The following LOXHD1 variants were observed in gnomAD, a reference collection of about 807,000 sequenced individuals.
LOXHD1 encodes the protein lipoxygenase homology PLAT domains 1.
A neutral mutation model predicts 248.2 loss-of-function variants in LOXHD1; 205 were observed. The observed-to-expected ratio is 0.83, with a 90% CI of 0.74 to 0.93. LOXHD1 has a LOEUF of 0.93. LOXHD1 is among the 40% of genes least tolerant of loss of function. LOXHD1 has a pLI of 0.00. For synonymous variants in LOXHD1, 1,113 were observed against 1,162.8 expected, an observed-to-expected ratio of 0.96 and a Z score of 0.87; for missense variants, 2,930 against 2,971.6, an observed-to-expected ratio of 0.99 and a Z score of 0.33.
intron 12 of LOXHD1, among the ~76,000 whole-genome samples, chr18:46,584,574 T>TA (rs761863511): frequency 3.0e-4 from 45 of 152,028 alleles, no homozygotes; most frequent in Non-Finnish European, 4.9e-4. Flanking sequence ...ATTAGTAATT[T>TA]AAAAAAAACC....
At chr18:46,537,698 G>T (rs1416547363) in intron 26 of LOXHD1, among the ~76,000 whole-genome samples, 1 of 152,238 alleles carries the variant, frequency 6.6e-6, no homozygotes, top group South Asian at 2.1e-4. Context: ...CATACAGAAT[G>T]CTCTTCTCTA....
chr18:46,513,734 G>C (rs567311994), intron 34 of LOXHD1, among the ~76,000 whole-genome samples: 2 of 152,228 alleles, frequency 1.3e-5, no homozygotes, highest in Non-Finnish European at 2.9e-5. Context: ...CCGGAAAAAT[G>C]AGAGAAGAAA....
At chr18:46,596,588 C>A (rs1450608984) in intron 8 of LOXHD1, among the ~76,000 whole-genome samples, 1 of 152,188 alleles carries the variant, frequency 6.6e-6, no homozygotes, top group African/African-American at 2.4e-5. Flanking sequence ...AGGGAAAAAT[C>A]TGCAAAGAGA....
intron 14 of LOXHD1, among the ~76,000 whole-genome samples, chr18:46,576,183 A>G (rs898662057): frequency 6.6e-6 from 1 of 152,238 alleles, no homozygotes; most frequent in Admixed American, 6.5e-5. Context: ...GGGAGTAAGT[A>G]TATAGTAGGT....
intron 7 of LOXHD1, among the ~76,000 whole-genome samples, chr18:46,603,021 C>T (rs1176934613): frequency 6.6e-6 from 1 of 152,128 alleles, no homozygotes; most frequent in Non-Finnish European, 1.5e-5. Flanking sequence ...TGCCACACCT[C>T]ACAATGATCA....
chr18:46,577,786 T>C lies in LOXHD1; in HGVS notation c.1891A>G (p.Ser631Gly). Reference sequence around the variant, plus strand: ...AGCACTCTGTCCAGGTACCAGCCGCTGCCGGAGCCTTTGCCATCGTGTCTG... The same window carrying C: ...AGCACTCTGTCCAGGTACCAGCCGCCGCCGGAGCCTTTGCCATCGTGTCTG... ...RIRHDGKGSGSGWYLDRVLVR... is the reference protein window; with the variant it reads ...RIRHDGKGSGGGWYLDRVLVR... The change falls in exon 14 of 41, where the codon AGC becomes GGC. Residue 631 changes from serine (S) to glycine (G), a missense_variant. Transcript: ENST00000642948. 6.4e-7 allele frequency: 1 copy of C among 1,551,692 alleles called. No homozygotes were observed. Among genetic ancestry groups the C allele is most frequent in the Middle Eastern group, 1.7e-4 (1 of 5,992 alleles).
At chr18:46,547,956 C>T (rs2036920615) in intron 21 of LOXHD1, among the ~76,000 whole-genome samples, 1 of 152,130 alleles carries the variant, frequency 6.6e-6, no homozygotes, top group Admixed American at 6.5e-5. Flanking sequence ...CTCAGTGTAC[C>T]ATAAAATAAG....
chr18:46,566,402 G>C lies in LOXHD1; in HGVS notation c.2292C>G (p.Ser764Arg). ...GGATCTGAACGCTGCCCAGGAACCA[G>C]CTGGCATGCATGCCAGTGCTGTCAT... ...IGHDSTGMHA[S>R]WFLGSVQIRV... The change falls in exon 17 of 41, where the codon AGC becomes AGG. Residue 764 changes from serine to arginine, a missense_variant. Ser to Arg is a moderately radical substitution (Grantham distance 110). Coordinates refer to ENST00000642948, the MANE Select transcript of LOXHD1 (RefSeq NM_001384474.1). 6.4e-7 allele frequency: 1 copy of C among 1,551,400 alleles called. No individual in the cohort carries two copies. Among genetic ancestry groups the C allele is most frequent in the Non-Finnish European group, 8.7e-7 (1 of 1,147,008 alleles).
At chr18:46,572,740 T>A (rs2037777908) in intron 14 of LOXHD1, among the ~76,000 whole-genome samples, 1 of 152,036 alleles carries the variant, frequency 6.6e-6, no homozygotes, top group Admixed American at 6.6e-5. Flanking sequence ...CTAGGATACG[T>A]AAGGCCCAGC....
At chr18:46,512,913 A>G (rs113007717) in intron 34 of LOXHD1, among the ~76,000 whole-genome samples, 33 of 152,300 alleles carry the variant, frequency 2.2e-4, no homozygotes, top group Non-Finnish European at 4.6e-4. Context: ...GAAAAACCTG[A>G]TGCGGAGTGA....
chr18:46,628,090 G>T (rs910144154), intron 4 of LOXHD1, among the ~76,000 whole-genome samples: 1 of 152,340 alleles, frequency 6.6e-6, no homozygotes, highest in Admixed American at 6.5e-5. Flanking sequence ...AAAAGCCCAA[G>T]ACTGCAGCTC....
intron 19 of LOXHD1, 35 bp downstream of exon 19, chr18:46,560,048 T>TGCCAGCCCCC: frequency 1.1e-5 from 13 of 1,226,292 alleles, no homozygotes; most frequent in Middle Eastern, 2.1e-4. Context: ...GTCTGGCCAC[T>TGCCAGCCCCC]CCCTCCCCAC....
At chr18:46,656,865 A>G (rs1265441542) in intron 1 of LOXHD1, 39 bp downstream of exon 1, 8 of 1,547,094 alleles carry the variant, frequency 5.2e-6, no homozygotes, top group Non-Finnish European at 7.0e-6. Context: ...CACCGCAGCC[A>G]GCTGCACCAC....
At chr18:46,526,267 C>A (rs1184284810) in intron 29 of LOXHD1, among the ~76,000 whole-genome samples, 1 of 152,154 alleles carries the variant, frequency 6.6e-6, no homozygotes, top group Non-Finnish European at 1.5e-5. Flanking sequence ...GGGTCCTGTG[C>A]TTGGGGAGTG....
chr18:46,627,922 T>C (rs1381767644), intron 4 of LOXHD1, among the ~76,000 whole-genome samples: 1 of 152,214 alleles, frequency 6.6e-6, no homozygotes, highest in Non-Finnish European at 1.5e-5. Flanking sequence ...GGCTTGACTC[T>C]CTCCCGTCTA....
chr18:46,522,121 CCACAT>C lies in LOXHD1; in HGVS notation c.5060_5064del (p.Asp1687GlyfsTer11). ...AGCACCTCTATTTTCTTGATGATGC[CCACAT>C]CCAAGCCTGCGACGTAGAACTCCTC... On this transcript the variant is annotated frameshift_variant, in exon 32 of 41. Coordinates refer to ENST00000642948, the MANE Select transcript of LOXHD1 (RefSeq NM_001384474.1). LOFTEE classifies it high-confidence loss of function. 1 of 1,550,574 alleles carries C rather than the reference CCACAT, an allele frequency of 6.4e-7. No homozygotes were observed. The highest frequency in any genetic ancestry group is 8.7e-7 in the Non-Finnish European group (1 of 1,146,418).
chr18:46,540,944 T>G (rs143606790), intron 25 of LOXHD1, among the ~76,000 whole-genome samples: 8 of 152,360 alleles, frequency 5.3e-5, no homozygotes, highest in Admixed American at 1.3e-4. Flanking sequence ...AATTTGTTCA[T>G]CACTGATACA....
chr18:46,495,940 G>C (rs1286567661), intron 37 of LOXHD1, among the ~76,000 whole-genome samples: 1 of 152,126 alleles, frequency 6.6e-6, no homozygotes, highest in Admixed American at 6.5e-5. Flanking sequence ...GCTAAGGCAG[G>C]AGAATCGCTT....
intron 37 of LOXHD1, among the ~76,000 whole-genome samples, chr18:46,494,556 A>G (rs2033704685): frequency 6.6e-6 from 1 of 152,118 alleles, no homozygotes; most frequent in African/African-American, 2.4e-5. Context: ...TCTAGCTATT[A>G]TTTTTCCACA....
Sources: allele counts gnomAD v4.1 joint callset (sites outside exome capture counted in the v4.1 genomes callset), GRCh38; gene constraint gnomAD v4.1.1; transcripts MANE v1.5; gene names NCBI Gene and HGNC (gene_info 2026-07-23, HGNC 2026-07-21).